The following C6orf47 variants were observed in gnomAD, a reference collection of about 807,000 sequenced individuals.
C6orf47 encodes the protein uncharacterized protein C6orf47.
C6orf47 carries 1 observed loss-of-function variant against 5.6 expected under a neutral mutation model. The observed-to-expected ratio is 0.18, with a 90% CI of 0.06 to 0.85. The LOEUF is 0.85. C6orf47 is among the 40% of genes least tolerant of loss of function. The pLI is 0.70. For synonymous variants in C6orf47, 149 were observed against 161.7 expected (o/e 0.92, Z 0.60); for missense variants, 323 against 367.1 (o/e 0.88, Z 0.98).
Position 31,659,768 on chromosome 6 carries a change from G to A in C6orf47, c.180C>T (p.Asp60=). ...CCCCAGAAACCCTCAATGCCCCCGA[G>A]TCCTTAGTCTTGGGATGCCCCACAT... ...MEDVGHPKTK[D]SGALRVSGAA... is the part of the protein sequence containing the mutation. Residue 60 remains aspartate (D), a synonymous_variant, in exon 1 of 1, where the codon GAC becomes GAT. Transcript: ENST00000375911. This position sits in a 1 kb window ranked among gnomAD's most constrained non-coding sequence, Gnocchi z 5.6. 3.1e-6 allele frequency: 5 copies of A among 1,613,096 alleles called. No individual in the cohort carries two copies. The highest frequency in any genetic ancestry group is 2.2e-5 in the East Asian group (1 of 44,890).
chr6:31,658,974 C>G lies in C6orf47; in HGVS notation c.*89G>C. On this transcript the variant is annotated 3_prime_UTR_variant, in exon 1 of 1. Coordinates refer to ENST00000375911, the MANE Select transcript of C6orf47 (RefSeq NM_021184.4). ...TCGTACTCGGGTTTCTTCCCCATCC[C>G]TGAGGTCCCTATGCTTACAATTTGG... 1 of 1,473,430 alleles carries G rather than the reference C, an allele frequency of 6.8e-7. No homozygotes were observed. The highest frequency in any genetic ancestry group is 9.2e-7 in the Non-Finnish European group (1 of 1,082,848). The allele number at this position is 1,473,430 out of a possible 1,614,324, so 91.3% of individuals were successfully genotyped here.
At position 31,658,936 on chromosome 6, in the gene C6orf47, G is replaced by A; in HGVS notation, c.*127C>T. Reference sequence around the variant, plus strand: ...TCTGTTCTCTCCTGTGTATGAAGGGGGGCCCTGCACCCTCGTACTCGGGTT... The same window carrying A: ...TCTGTTCTCTCCTGTGTATGAAGGGAGGCCCTGCACCCTCGTACTCGGGTT... On this transcript the variant is annotated 3_prime_UTR_variant, in exon 1 of 1. Coordinates refer to ENST00000375911, the MANE Select transcript of C6orf47 (RefSeq NM_021184.4). The A allele has an allele frequency of 9.5e-7, 1 of 1,047,724 alleles. No homozygotes were observed. Among genetic ancestry groups the A allele is most frequent in the South Asian group, 1.5e-5 (1 of 65,398 alleles). 64.9% of individuals were successfully genotyped at this position (1,047,724 alleles called of 1,614,324 possible).
Position 31,659,138 on chromosome 6 carries a change from C to T in C6orf47, c.810G>A (p.Ala270=), listed in dbSNP as rs767950064. ...VSLREPNGDE[A]ATDWESEGLE... ...ACCCCTCACTCTCCCAGTCAGTGGCCGCCTCATCCCCATTGGGCTCCCGGA... is the reference window on the plus strand; with the variant it reads ...ACCCCTCACTCTCCCAGTCAGTGGCTGCCTCATCCCCATTGGGCTCCCGGA... The change falls in exon 1 of 1, where the codon GCG becomes GCA. Residue 270 remains alanine, a synonymous_variant. Transcript: ENST00000375911. This position sits in a 1 kb window ranked among gnomAD's most constrained non-coding sequence, Gnocchi z 5.6. 5.6e-6 allele frequency: 9 copies of T among 1,613,092 alleles called. No individual in the cohort carries two copies. The highest frequency in any genetic ancestry group is 3.3e-5 in the Admixed American group (2 of 60,030).
chr6:31,660,445 G>A lies in C6orf47; in HGVS notation c.-498C>T, dbSNP rs1394734490. The A allele has an allele frequency of 1.7e-5, 3 of 175,134 alleles. No individual in the cohort carries two copies. The highest frequency in any genetic ancestry group is 4.1e-5 in the Non-Finnish European group (3 of 73,948). The allele number at this position is 175,134 out of a possible 1,614,324, so 10.8% of individuals were successfully genotyped here. On this transcript the variant is annotated 5_prime_UTR_variant, in exon 1 of 1. Transcript: ENST00000375911. This position sits in a 1 kb window ranked among gnomAD's most constrained non-coding sequence, Gnocchi z 4.7. The stretch of plus-strand genomic sequence containing the variant: ...GTGTAGTCTTTAACTGCTGCCCCAA[G>A]GGACCTCAAGGAATAGGAATTCTCT...
In C6orf47 at chr6:31,659,627, C is replaced by A. The variant is rs768578111; in HGVS notation, c.321G>T (p.Glu107Asp). 6.2e-7 allele frequency: 1 copy of A among 1,613,050 alleles called. No individual in the cohort carries two copies. Among genetic ancestry groups the A allele is most frequent in the Non-Finnish European group, 8.5e-7 (1 of 1,180,030 alleles). ...TGAGTTTGGGACTGGCCCCTCCAGC[C>A]TCCAGTCTCCCAGACTCTTGAGTGC... is the stretch of plus-strand genomic sequence containing the variant. ...ISSTQESGRLEAGGASPKLRW... is the reference protein window; with the variant it reads ...ISSTQESGRLDAGGASPKLRW... The change falls in exon 1 of 1, where the codon GAG becomes GAT. Residue 107 changes from glutamate (E) to aspartate (D), a missense_variant. Glu to Asp is a conservative substitution (Grantham distance 45, BLOSUM62 2). Transcript: ENST00000375911. The surrounding 1 kb of genome is among the most constrained non-coding windows in gnomAD (Gnocchi z 5.6).
In C6orf47 at chr6:31,659,574, G is replaced by T. The variant is rs767543698; in HGVS notation, c.374C>A (p.Thr125Asn). ...TTCAGGGGACACCCCTGGTCTCCTG[G>T]TGCCACCTGAATCCACATGATCCCA... is the stretch of plus-strand genomic sequence containing the variant. ...LRWDHVDSGG[T>N]RRPGVSPEGG... Residue 125 changes from threonine to asparagine, a missense_variant, in exon 1 of 1, where the codon ACC becomes AAC. Transcript: ENST00000375911. This position sits in a 1 kb window ranked among gnomAD's most constrained non-coding sequence, Gnocchi z 5.6. 1.2e-6 allele frequency: 2 copies of T among 1,612,854 alleles called. No homozygotes were observed. The highest frequency in any genetic ancestry group is 1.7e-5 in the Admixed American group (1 of 60,018).
Position 31,659,742 on chromosome 6 carries a change from G to A in C6orf47, c.206C>T (p.Ala69Val). The A allele has an allele frequency of 6.2e-7, 1 of 1,613,056 alleles. No homozygotes were observed. Among genetic ancestry groups the A allele is most frequent in the Non-Finnish European group, 8.5e-7 (1 of 1,180,012 alleles). Residue 69 changes from alanine (A) to valine (V), a missense_variant, in exon 1 of 1, where the codon GCT becomes GTT. Physicochemically the swap from Ala to Val is moderately conservative, Grantham distance 64. Transcript: ENST00000375911. This position sits in a 1 kb window ranked among gnomAD's most constrained non-coding sequence, Gnocchi z 5.6. ...KDSGALRVSGAASEPSKEEPQ... is the reference protein window; with the variant it reads ...KDSGALRVSGVASEPSKEEPQ... ...CTCCTCCTTGCTTGGTTCGGAAGCA[G>A]CCCCAGAAACCCTCAATGCCCCCGA...
chr6:31,660,058 C>T lies in C6orf47; in HGVS notation c.-111G>A. On this transcript the variant is annotated 5_prime_UTR_variant, in exon 1 of 1. Coordinates refer to ENST00000375911, the MANE Select transcript of C6orf47 (RefSeq NM_021184.4). This position sits in a 1 kb window ranked among gnomAD's most constrained non-coding sequence, Gnocchi z 4.7. ...CTTTCTGGCTCAGAACAGGTATTTG[C>T]CTGGTGATGCAGTCCTACTCTGAAT... 4 of 1,252,084 alleles carry T rather than the reference C, an allele frequency of 3.2e-6. No individual in the cohort carries two copies. Among genetic ancestry groups the T allele is most frequent in the Non-Finnish European group, 3.3e-6 (3 of 917,802 alleles). The allele number at this position is 1,252,084 out of a possible 1,614,324, so 77.6% of individuals were successfully genotyped here.
Position 31,659,760 on chromosome 6 carries a change from GCCC to G in C6orf47, c.185_187del (p.Gly62del). 1 of 1,613,040 alleles carries G rather than the reference GCCC, an allele frequency of 6.2e-7. No homozygotes were observed. The highest frequency in any genetic ancestry group is 8.5e-7 in the Non-Finnish European group (1 of 1,180,006). ...GGAAGCAGCCCCAGAAACCCTCAAT[GCCC>G]CCGAGTCCTTAGTCTTGGGATGCCC... On this transcript the variant is annotated inframe_deletion, in exon 1 of 1. Transcript: ENST00000375911. This position sits in a 1 kb window ranked among gnomAD's most constrained non-coding sequence, Gnocchi z 5.6.
chr6:31,659,282 T>C lies in C6orf47; in HGVS notation c.666A>G (p.Leu222=), dbSNP rs1800514462. 6.2e-7 allele frequency: 1 copy of C among 1,613,022 alleles called. No homozygotes were observed. Residue 222 remains leucine (L), a synonymous_variant, in exon 1 of 1, where the codon CTA becomes CTG. Transcript: ENST00000375911. The surrounding 1 kb of genome is among the most constrained non-coding windows in gnomAD (Gnocchi z 5.6). ...CATGCAGGGCAGCCAGGAAGGACAGTAGGCCATGTAGCCAGAGGCCCAGCG... is the reference window on the plus strand; with the variant it reads ...CATGCAGGGCAGCCAGGAAGGACAGCAGGCCATGTAGCCAGAGGCCCAGCG... ...RGPLGLWLHG[L]LSFLAALHGL...
chr6:31,658,942 T>G lies in C6orf47; in HGVS notation c.*121A>C. The G allele has an allele frequency of 8.6e-7, 1 of 1,165,290 alleles. No individual in the cohort carries two copies. 72.2% of individuals were successfully genotyped at this position (1,165,290 alleles called of 1,614,324 possible). On this transcript the variant is annotated 3_prime_UTR_variant, in exon 1 of 1. Coordinates refer to ENST00000375911, the MANE Select transcript of C6orf47 (RefSeq NM_021184.4). ...CTCTCCTGTGTATGAAGGGGGGCCC[T>G]GCACCCTCGTACTCGGGTTTCTTCC...
Position 31,659,941 on chromosome 6 carries a change from G to A in C6orf47, c.7C>T (p.Leu3=), listed in dbSNP as rs1309174257. The part of the protein sequence containing the change: MF[L]RRLGGWLPRP... ...GGTAGCCAGCCACCAAGCCGTCGCA[G>A]GAACATGGCTGGGGTGTGTAATGGG... Residue 3 remains leucine (L), a synonymous_variant, in exon 1 of 1, where the codon CTG becomes TTG. Transcript: ENST00000375911. This position sits in a 1 kb window ranked among gnomAD's most constrained non-coding sequence, Gnocchi z 5.6. The A allele has an allele frequency of 6.4e-7, 1 of 1,566,656 alleles. No individual in the cohort carries two copies.
At position 31,659,325 on chromosome 6, in the gene C6orf47, G is replaced by A. The variant is rs771414662; in HGVS notation, c.623C>T (p.Thr208Ile). 2.8e-5 allele frequency: 45 copies of A among 1,613,126 alleles called. 1 individual carries two copies. The highest frequency in any genetic ancestry group is 1.0e-4 in the Admixed American group (6 of 60,034). The part of the protein sequence containing the change: ...CSRPLRAALD[T>I]LGLRGPLGLW... The stretch of plus-strand genomic sequence containing the variant: ...GCCCAGCGGTCCACGCAGGCCCAGT[G>A]TGTCCAAGGCTGCCCGCAGTGGTCG... The change falls in exon 1 of 1, where the codon ACA (threonine) becomes ATA (isoleucine). Residue 208 changes from threonine (T) to isoleucine (I), a missense_variant. Physicochemically the swap from Thr to Ile is moderately conservative, Grantham distance 89 (BLOSUM62 -1). Transcript: ENST00000375911. The surrounding 1 kb of genome is among the most constrained non-coding windows in gnomAD (Gnocchi z 5.6).
At position 31,658,967 on chromosome 6, in the gene C6orf47, C is replaced by T. The variant is rs1158244581; in HGVS notation, c.*96G>A. The T allele has an allele frequency of 3.5e-6, 5 of 1,430,940 alleles. No homozygotes were observed. Among genetic ancestry groups the T allele is most frequent in the Non-Finnish European group, 4.8e-6 (5 of 1,048,490 alleles). 88.6% of individuals were successfully genotyped at this position (1,430,940 alleles called of 1,614,324 possible). ...TGCACCCTCGTACTCGGGTTTCTTC[C>T]CCATCCCTGAGGTCCCTATGCTTAC... On this transcript the variant is annotated 3_prime_UTR_variant, in exon 1 of 1. Coordinates refer to ENST00000375911, the MANE Select transcript of C6orf47 (RefSeq NM_021184.4).
Position 31,659,126 on chromosome 6 carries a change from C to A in C6orf47, c.822G>T (p.Trp274Cys), listed in dbSNP as rs1272070724. 3 of 1,612,984 alleles carry A rather than the reference C, an allele frequency of 1.9e-6. No individual in the cohort carries two copies. The East Asian group carries it at 6.7e-5, about 36-fold the overall frequency. Residue 274 changes from tryptophan (W) to cysteine (C), a missense_variant, in exon 1 of 1, where the codon TGG becomes TGT. Coordinates refer to ENST00000375911, the MANE Select transcript of C6orf47 (RefSeq NM_021184.4). This position sits in a 1 kb window ranked among gnomAD's most constrained non-coding sequence, Gnocchi z 5.6. ...CTTCCCTCTCCAACCCCTCACTCTC[C>A]CAGTCAGTGGCCGCCTCATCCCCAT... ...EPNGDEAATD[W>C]ESEGLEREGE...
In C6orf47 at chr6:31,660,019, T is replaced by G; in HGVS notation, c.-72A>C. The G allele has an allele frequency of 6.9e-7, 1 of 1,457,760 alleles. No homozygotes were observed. Among genetic ancestry groups the G allele is most frequent in the Non-Finnish European group, 9.1e-7 (1 of 1,098,486 alleles). 90.3% of individuals were successfully genotyped at this position (1,457,760 alleles called of 1,614,324 possible). Reference sequence around the variant, plus strand: ...CACTACTCAGACTCTCAGGATCTCCTCAGAAGCCAGAGTCTTTCTGGCTCA... The same window carrying G: ...CACTACTCAGACTCTCAGGATCTCCGCAGAAGCCAGAGTCTTTCTGGCTCA... On this transcript the variant is annotated 5_prime_UTR_variant, in exon 1 of 1. Coordinates refer to ENST00000375911, the MANE Select transcript of C6orf47 (RefSeq NM_021184.4). This position sits in a 1 kb window ranked among gnomAD's most constrained non-coding sequence, Gnocchi z 4.7.
Position 31,660,638 on chromosome 6 carries a change from T to C in C6orf47, c.-691A>G, listed in dbSNP as rs1800708078. On this transcript the variant is annotated 5_prime_UTR_variant, in exon 1 of 1. Transcript: ENST00000375911. This position sits in a 1 kb window ranked among gnomAD's most constrained non-coding sequence, Gnocchi z 4.7. ...TAAGATGTCCTCAGAGATCCCCAGTTACGAAGCAAAGCGCGGGCCTACTTC... is the reference window on the plus strand; with the variant it reads ...TAAGATGTCCTCAGAGATCCCCAGTCACGAAGCAAAGCGCGGGCCTACTTC... The C allele has an allele frequency of 6.0e-6, 1 of 166,960 alleles. No homozygotes were observed. Among genetic ancestry groups the C allele is most frequent in the Non-Finnish European group, 1.5e-5 (1 of 68,114 alleles). 10.3% of individuals were successfully genotyped at this position (166,960 alleles called of 1,614,324 possible).
Position 31,659,657 on chromosome 6 carries a change from G to GGTCT in C6orf47, c.290_291insAGAC (p.Ser98AspfsTer3). On this transcript the variant is annotated frameshift_variant, in exon 1 of 1. Transcript: ENST00000375911. LOFTEE classifies it low-confidence loss of function (END_TRUNC). This position sits in a 1 kb window ranked among gnomAD's most constrained non-coding sequence, Gnocchi z 5.6. The stretch of plus-strand genomic sequence containing the variant: ...GTCTCCCAGACTCTTGAGTGCTAGA[G>GGTCT]ATAGGCTGGTCCCACTTGAGGGAAT... The GGTCT allele has an allele frequency of 6.2e-7, 1 of 1,613,078 alleles. No homozygotes were observed. The highest frequency in any genetic ancestry group is 1.3e-5 in the African/African-American group (1 of 75,068).
In C6orf47 at chr6:31,659,882, A is replaced by C; in HGVS notation, c.66T>G (p.Pro22=). The change falls in exon 1 of 1, where the codon CCT becomes CCG. Residue 22 remains proline (P), a synonymous_variant. Transcript: ENST00000375911. This position sits in a 1 kb window ranked among gnomAD's most constrained non-coding sequence, Gnocchi z 5.6. The stretch of plus-strand genomic sequence containing the variant: ...GTCTGGGTTCTGGGTAAGGCGGGTC[A>C]GGCCTCATTGGTTTCCGGCGGCCCC... ...RPWGRRKPMR[P]DPPYPEPRRV... 1 of 1,610,136 alleles carries C rather than the reference A, an allele frequency of 6.2e-7. No homozygotes were observed. Among genetic ancestry groups the C allele is most frequent in the South Asian group, 1.1e-5 (1 of 90,510 alleles).
Sources: allele counts gnomAD v4.1 joint callset, GRCh38; gene constraint gnomAD v4.1.1; non-coding constraint Gnocchi (gnomAD v3.1); transcripts MANE v1.5; gene names NCBI Gene and HGNC (gene_info 2026-07-23, HGNC 2026-07-21).